The following CFAP20DC variants were observed in gnomAD, a reference collection of about 807,000 sequenced individuals.
CFAP20DC encodes protein CFAP20DC.
CFAP20DC carries 84 observed loss-of-function variants against 101.7 expected under a neutral mutation model. That is an observed-to-expected ratio of 0.83 (90% CI 0.69 to 0.99). The LOEUF (loss-of-function observed/expected upper bound fraction) is 0.99, where lower values mean the gene tolerates loss of function less well. Among genes scored for constraint, CFAP20DC ranks in the 50% least tolerant of loss-of-function variants. The pLI is 0.00. For missense variants in CFAP20DC, 1,007 were observed against 970.3 expected (o/e 1.04, Z -0.50); for synonymous variants, 359 against 351.2 (o/e 1.02, Z -0.25).
At chr3:58,814,162 T>G (rs2074919632) in intron 14 of CFAP20DC, among the ~76,000 whole-genome samples, 1 of 151,834 alleles carries the variant, frequency 6.6e-6, no homozygotes, top group Non-Finnish European at 1.5e-5. Flanking sequence ...AGACCTGATA[T>G]TCAGGTGAAT....
At chr3:58,932,088 G>A (rs1309127476) in intron 5 of CFAP20DC, among the ~76,000 whole-genome samples, 1 of 152,228 alleles carries the variant, frequency 6.6e-6, no homozygotes, top group Non-Finnish European at 1.5e-5. Flanking sequence ...AGGAGCTGAT[G>A]GAGGTGAAAG....
chr3:58,971,416 C>T lies in CFAP20DC; in HGVS notation c.279-33654G>A, dbSNP rs958313280. On this transcript the variant is annotated intron_variant, in intron 4 of 16. Coordinates refer to ENST00000482387, the MANE Select transcript of CFAP20DC (RefSeq NM_001394063.1). The surrounding 1 kb of genome is among the most constrained non-coding windows in gnomAD (Gnocchi z 4.1). ...TCTGTCAAATGTTTTAAAATATCTC[C>T]GACATTCACTCTTTAGATCTTTCTA... is the stretch of plus-strand genomic sequence containing the variant. Among the ~76,000 whole-genome samples the T allele has an allele frequency of 1.3e-5, 2 of 152,054 alleles. No homozygotes were observed. Among genetic ancestry groups the T allele is most frequent in the Admixed American group, 6.6e-5 (1 of 15,240 alleles).
At chr3:58,949,641 A>T (rs1365792875) in intron 4 of CFAP20DC, among the ~76,000 whole-genome samples, 3 of 152,168 alleles carry the variant, frequency 2.0e-5, no homozygotes, top group Non-Finnish European at 4.4e-5. Flanking sequence ...ACAATCCAGC[A>T]TATAAACAGA....
At chr3:58,798,481 A>G (rs1240816250) in intron 15 of CFAP20DC, among the ~76,000 whole-genome samples, 1 of 152,272 alleles carries the variant, frequency 6.6e-6, no homozygotes, top group East Asian at 1.9e-4. Flanking sequence ...GTAAGCAAAG[A>G]AAGTGGTTTC....
chr3:58,969,418 AAC>A (rs2091807980), intron 4 of CFAP20DC, among the ~76,000 whole-genome samples: 1 of 152,164 alleles, frequency 6.6e-6, no homozygotes, highest in Admixed American at 6.6e-5. Context: ...CCTCTTTGGA[AAC>A]AGTTTCAAAT....
chr3:58,902,558 C>T (rs1201864394), intron 6 of CFAP20DC, among the ~76,000 whole-genome samples: 1 of 152,118 alleles, frequency 6.6e-6, no homozygotes, highest in Non-Finnish European at 1.5e-5. Flanking sequence ...GTTTGTCTAC[C>T]ATTTGGATAT....
chr3:58,870,432 C>G, intron 7 of CFAP20DC, 123 bp from the exon 8 acceptor site: 1 of 896,248 alleles, frequency 1.1e-6, no homozygotes, highest in Non-Finnish European at 1.8e-6. Flanking sequence ...CCCCCCTCAG[C>G]ATGTATTAAA....
intron 15 of CFAP20DC, among the ~76,000 whole-genome samples, chr3:58,805,826 C>G (rs2074015054): frequency 6.6e-6 from 1 of 152,058 alleles, no homozygotes; most frequent in Non-Finnish European, 1.5e-5. Flanking sequence ...GAGGTTTTTC[C>G]TTAGTGACAA....
At chr3:58,835,924 G>A (rs2076705273) in intron 13 of CFAP20DC, among the ~76,000 whole-genome samples, 1 of 152,166 alleles carries the variant, frequency 6.6e-6, no homozygotes, top group Admixed American at 6.5e-5. Flanking sequence ...ATCTCTGAAA[G>A]GCTCAAAATG....
At chr3:58,943,132 G>T (rs776855586) in intron 4 of CFAP20DC, among the ~76,000 whole-genome samples, 39 of 152,210 alleles carry the variant, frequency 2.6e-4, no homozygotes, top group Non-Finnish European at 4.7e-4. Flanking sequence ...GGGGAAAGTG[G>T]TGGCTGTGGG....
chr3:58,958,045 C>T (rs909681715), intron 4 of CFAP20DC, among the ~76,000 whole-genome samples: 1 of 151,938 alleles, frequency 6.6e-6, no homozygotes, highest in Non-Finnish European at 1.5e-5. Flanking sequence ...GATAAATAAC[C>T]TAGTTTCCAT....
chr3:59,049,564 C>A (rs1444079695), intron 1 of CFAP20DC, 47 bp downstream of exon 1: 1 of 1,511,262 alleles, frequency 6.6e-7, no homozygotes, highest in African/African-American at 1.4e-5. Context: ...ACTACCTCAC[C>A]CAAGAGGAGA....
intron 14 of CFAP20DC, among the ~76,000 whole-genome samples, chr3:58,828,636 G>A (rs1467746422): frequency 6.6e-6 from 1 of 152,064 alleles, no homozygotes. Flanking sequence ...AATAGAAACT[G>A]GGGACTGCTA....
At chr3:58,826,737 A>C (rs574785961) in intron 14 of CFAP20DC, among the ~76,000 whole-genome samples, 1 of 152,318 alleles carries the variant, frequency 6.6e-6, no homozygotes, top group South Asian at 2.1e-4. Context: ...GTGCTCCAAC[A>C]CAGAAGGTAT....
chr3:58,950,432 A>C (rs2089965943), intron 4 of CFAP20DC, among the ~76,000 whole-genome samples: 1 of 152,208 alleles, frequency 6.6e-6, no homozygotes, highest in Admixed American at 6.5e-5. Context: ...TATGGAACCA[A>C]AAAAGAGCCT....
rs187524452 is a variant in CFAP20DC, at chr3:58,809,711, A to G, written c.2176-3255T>C. On this transcript the variant is annotated intron_variant, in intron 14 of 16. Transcript: ENST00000482387. The stretch of plus-strand genomic sequence containing the variant: ...AAGACATAACTAAAATCAGAGCAGG[A>G]CTGAGGGAAATAGAAACACAAAAAA... 6.6e-5 allele frequency among the ~76,000 whole-genome samples: 10 copies of G among 152,324 alleles called. No homozygotes were observed. In the East Asian group the frequency reaches 1.9e-3, roughly 29 times the overall value.
At chr3:58,733,071 C>T (rs1269179150) in intron 3 of CFAP20DC, among the ~76,000 whole-genome samples, 2 of 152,218 alleles carry the variant, frequency 1.3e-5, no homozygotes, top group South Asian at 2.1e-4. Flanking sequence ...GTGGCTCACG[C>T]CTGTAATTCC....
At chr3:59,025,116 T>A (rs1305309848) in intron 4 of CFAP20DC, among the ~76,000 whole-genome samples, 2 of 152,216 alleles carry the variant, frequency 1.3e-5, no homozygotes, top group Non-Finnish European at 2.9e-5. Flanking sequence ...TTTCTATCTA[T>A]GGTTCTACTT....
At chr3:58,917,448 T>A (rs2084859148) in intron 5 of CFAP20DC, among the ~76,000 whole-genome samples, 1 of 152,164 alleles carries the variant, frequency 6.6e-6, no homozygotes, top group African/African-American at 2.4e-5. Context: ...TTACTAACAG[T>A]GCACAGTTCT....
Sources: allele counts gnomAD v4.1 joint callset (sites outside exome capture counted in the v4.1 genomes callset), GRCh38; gene constraint gnomAD v4.1.1; non-coding constraint Gnocchi (gnomAD v3.1); transcripts MANE v1.5; gene names NCBI Gene and HGNC (gene_info 2026-07-23, HGNC 2026-07-21).